The following KDM5A variants were observed in gnomAD, a reference collection of about 807,000 sequenced individuals.
The protein encoded by KDM5A is lysine-specific demethylase 5A.
In KDM5A, 42 loss-of-function variants were observed where a neutral mutation model predicts 193.5. That is an observed-to-expected ratio of 0.22 (90% CI 0.17 to 0.28). The LOEUF (loss-of-function observed/expected upper bound fraction) is 0.28. KDM5A is among the 10% of genes least tolerant of loss of function. The pLI, the probability that KDM5A is intolerant of heterozygous loss-of-function variation, is 1.00. For missense variants in KDM5A, 1,692 were observed against 2,055.1 expected, an observed-to-expected ratio of 0.82 and a Z score of 3.42; for synonymous variants, 796 against 718.1, an observed-to-expected ratio of 1.11 and a Z score of -1.73.
intron 19 of KDM5A, among the ~76,000 whole-genome samples, chr12:316,395 T>C (rs1565531454): frequency 6.6e-6 from 1 of 152,206 alleles, no homozygotes; most frequent in Non-Finnish European, 1.5e-5. Context: ...ATGTAGCAGG[T>C]TCTCCATCAA....
intron 18 of KDM5A, among the ~76,000 whole-genome samples, chr12:319,722 G>A (rs1943693194): frequency 6.6e-6 from 1 of 151,988 alleles, no homozygotes; most frequent in Non-Finnish European, 1.5e-5. Flanking sequence ...CCACTGTACT[G>A]CAGCCTGGAT....
chr12:317,204 T>C (rs1272174423), intron 19 of KDM5A, among the ~76,000 whole-genome samples: 1 of 152,180 alleles, frequency 6.6e-6, no homozygotes, highest in Non-Finnish European at 1.5e-5. Context: ...TCGACATGAA[T>C]CCTCCACTCC....
At chr12:334,822 C>T (rs1487238739) in intron 10 of KDM5A, among the ~76,000 whole-genome samples, 2 of 152,258 alleles carry the variant, frequency 1.3e-5, no homozygotes, top group African/African-American at 4.8e-5. Flanking sequence ...AGACAAAATA[C>T]AATATACATA....
intron 10 of KDM5A, among the ~76,000 whole-genome samples, chr12:341,326 G>C (rs542937631): frequency 1.6e-4 from 24 of 152,032 alleles, no homozygotes; most frequent in Non-Finnish European, 3.4e-4. Flanking sequence ...TTCCAACATT[G>C]AACTGTTCCT....
intron 5 of KDM5A, among the ~76,000 whole-genome samples, chr12:356,878 C>T (rs1944234861): frequency 6.6e-6 from 1 of 152,240 alleles, no homozygotes; most frequent in Non-Finnish European, 1.5e-5. Context: ...CATCTCAGGA[C>T]ATGAACTGTG....
At chr12:317,247 A>T (rs1320033591) in intron 19 of KDM5A, among the ~76,000 whole-genome samples, 1 of 152,122 alleles carries the variant, frequency 6.6e-6, no homozygotes, top group Non-Finnish European at 1.5e-5. Context: ...TCACCTGAAC[A>T]CGCCCTAAAT....
chr12:340,364 C>T (rs185366652), intron 10 of KDM5A, among the ~76,000 whole-genome samples: 9 of 152,222 alleles, frequency 5.9e-5, no homozygotes, highest in Admixed American at 3.9e-4. Flanking sequence ...CCCATGGCAA[C>T]CTCATGTGAG....
chr12:362,965 G>C lies in KDM5A; in HGVS notation c.670C>G (p.Gln224Glu), dbSNP rs1565546860. The change falls in exon 5 of 28, where the codon CAG (glutamine) becomes GAG (glutamate). Residue 224 changes from glutamine to glutamate, a missense_variant and splice_region_variant. By Grantham distance (29) the Gln-to-Glu change is conservative (BLOSUM62 2). Coordinates refer to ENST00000399788, the MANE Select transcript of KDM5A (RefSeq NM_001042603.3). ...AAAAAAGCCCAAGACATTGATACCT[G>C]AGTCTTCACACGTCTTGTTCTCTTC... is the stretch of plus-strand genomic sequence containing the variant. ...LPKRTRRVKT[Q>E]SESGDVSRNT... 1 of 1,614,038 alleles carries C rather than the reference G, an allele frequency of 6.2e-7. No homozygotes were observed.
chr12:346,664 A>G (rs1205250079), intron 10 of KDM5A, among the ~76,000 whole-genome samples: 1 of 152,196 alleles, frequency 6.6e-6, no homozygotes, highest in African/African-American at 2.4e-5. Flanking sequence ...AATGACAAAA[A>G]CTACATGATT....
chr12:333,590 A>T lies in KDM5A; in HGVS notation c.1550T>A (p.Val517Glu). ...TAACTCGGGGGCCAGCTCTCTCATC[A>T]CCTCCTCCAGTTGCTCTGCAGCATG... The part of the protein sequence containing the change: ...PSHAAEQLEE[V>E]MRELAPELFE... Residue 517 changes from valine to glutamate, a missense_variant, in exon 12 of 28, where the codon GTG becomes GAG. This residue lies in a region of KDM5A where 172 missense variants were observed against 260.3 expected (regional missense o/e 0.66). Transcript: ENST00000399788. 6.2e-7 allele frequency: 1 copy of T among 1,613,848 alleles called. No individual in the cohort carries two copies. The highest frequency in any genetic ancestry group is 8.5e-7 in the Non-Finnish European group (1 of 1,179,960).
chr12:304,781 G>GGT (rs1201521984), intron 24 of KDM5A, among the ~76,000 whole-genome samples: 1 of 152,080 alleles, frequency 6.6e-6, no homozygotes, highest in Non-Finnish European at 1.5e-5. Context: ...TGTTTTCATA[G>GGT]GTTACCAGTC....
In KDM5A at chr12:307,959, T is replaced by C. The variant is rs762333507; in HGVS notation, c.3425A>G (p.His1142Arg). 2 of 1,614,160 alleles carry C rather than the reference T, an allele frequency of 1.2e-6. No homozygotes were observed. Among genetic ancestry groups the C allele is most frequent in the Non-Finnish European group, 1.7e-6 (2 of 1,180,024 alleles). Residue 1142 changes from histidine (H) to arginine (R), a missense_variant, in exon 23 of 28, where the codon CAT becomes CGT. Around this residue, in one of 11 missense-constraint regions of KDM5A, gnomAD observed 965 missense variants for 1,061.0 expected, o/e 0.91. Coordinates refer to ENST00000399788, the MANE Select transcript of KDM5A (RefSeq NM_001042603.3). This position sits in a 1 kb window ranked among gnomAD's most constrained non-coding sequence, Gnocchi z 4.3. ...EREQKEIEAMHSLRAANLAKM... is the reference protein window; with the variant it reads ...EREQKEIEAMRSLRAANLAKM... ...GGCTAGGTTGGCTGCTCTGAGAGAA[T>C]GCATGGCTTCAATCTCTTTTTGCTC...
At position 312,964 on chromosome 12, in the gene KDM5A, G is replaced by C. The variant is rs1240609869; in HGVS notation, c.3036+92C>G. On this transcript the variant is annotated intron_variant, in intron 20 of 27. Transcript: ENST00000399788. Reference sequence around the variant, plus strand: ...CTAAGTTAGGGATCGTTTGTATTATGATTATTCTATTCTAAAGAATTAATA... The same window carrying C: ...CTAAGTTAGGGATCGTTTGTATTATCATTATTCTATTCTAAAGAATTAATA... The C allele has an allele frequency of 5.9e-6, 8 of 1,361,722 alleles. No homozygotes were observed. The East Asian group carries it at 1.7e-4, about 28-fold the overall frequency. The allele number at this position is 1,361,722 out of a possible 1,614,324, so 84.4% of individuals were successfully genotyped here. A position where few individuals can be genotyped will look rare whatever the true frequency, so the allele number is the denominator to read the frequency against.
intron 5 of KDM5A, among the ~76,000 whole-genome samples, chr12:360,435 TATAAGGAGGAAAACCAGAA>T (rs1039165114): frequency 1.4e-4 from 21 of 151,956 alleles, no homozygotes; most frequent in African/African-American, 5.1e-4. Flanking sequence ...GTGGTCAGAA[TATAAGGAGGAAAACCAGAA>T]GAGAAAGGTA....
rs114020171 is a variant in KDM5A, at chr12:324,362, G to C, written c.1969-581C>G. ...TTTTTTGAGAGAAGGGAAGAAAATT[G>C]TAATTGGGAGGCATTTTGGGGGTGG... On this transcript the variant is annotated intron_variant, in intron 14 of 27. Transcript: ENST00000399788. Among the ~76,000 whole-genome samples, 1,381 of 152,182 alleles carry C rather than the reference G, an allele frequency of 9.1e-3. 30 individuals carry two copies. Among genetic ancestry groups the C allele is most frequent in the African/African-American group, 0.031 (1,290 of 41,508 alleles).
At chr12:347,053 G>A (rs954887584) in intron 10 of KDM5A, among the ~76,000 whole-genome samples, 6 of 152,180 alleles carry the variant, frequency 3.9e-5, no homozygotes, top group African/African-American at 1.4e-4. Flanking sequence ...AAGCTGATAA[G>A]CAACTTCAGC....
At chr12:302,756 T>G (rs187092817) in intron 24 of KDM5A, among the ~76,000 whole-genome samples, 1 of 152,296 alleles carries the variant, frequency 6.6e-6, no homozygotes, top group Non-Finnish European at 1.5e-5. Context: ...GGAGAAAATT[T>G]TTGCCATCTA....
chr12:315,868 C>T (rs575510486), intron 19 of KDM5A, among the ~76,000 whole-genome samples: 5 of 152,090 alleles, frequency 3.3e-5, no homozygotes, highest in African/African-American at 1.2e-4. Context: ...GTGGGACATC[C>T]GCCTGGAATC....
At chr12:286,690 G>A (rs1943223144) in intron 27 of KDM5A, among the ~76,000 whole-genome samples, 1 of 152,116 alleles carries the variant, frequency 6.6e-6, no homozygotes, top group Non-Finnish European at 1.5e-5. Flanking sequence ...AGGAGGTTTT[G>A]GCTAGGTAAA....
Sources: gnomAD v4.1 joint callset for allele counts (sites outside exome capture counted in the v4.1 genomes callset) on GRCh38, gnomAD v4.1.1 for gene constraint, gnomAD v4.1.1 regional missense constraint, Gnocchi (gnomAD v3.1) non-coding constraint, MANE v1.5 for transcripts, NCBI Gene and HGNC (gene_info 2026-07-23, HGNC 2026-07-21) for gene names.